PRR16: variants seen among roughly 807,000 people sequenced by gnomAD.
PRR16 encodes the protein proline rich 16.
PRR16 carries 6 observed loss-of-function variants against 18.2 expected under a neutral mutation model. The observed-to-expected ratio is 0.33, with a 90% CI of 0.18 to 0.65. The LOEUF is 0.65. PRR16 is among the 30% of genes least tolerant of loss of function. The pLI is 0.74. For missense variants in PRR16, 412 were observed against 376.6 expected (o/e 1.09, Z -0.78); for synonymous variants, 151 against 147.8 (o/e 1.02, Z -0.16).
At chr5:120,645,627 A>T (rs1405432271) in intron 1 of PRR16, among the ~76,000 whole-genome samples, 1 of 151,960 alleles carries the variant, frequency 6.6e-6, no homozygotes, top group Non-Finnish European at 1.5e-5. Flanking sequence ...ACAAAAAAAG[A>T]AAATGTTTGA....
the PRR16 span, among the ~76,000 whole-genome samples, chr5:120,714,395 G>C: frequency 3.9e-5 from 6 of 152,046 alleles, no homozygotes; most frequent in Admixed American, 3.3e-4. Flanking sequence ...TGACAACTCT[G>C]TTTAAATTTT....
chr5:120,573,511 G>C (rs1011486714), intron 1 of PRR16, among the ~76,000 whole-genome samples: 4 of 151,336 alleles, frequency 2.6e-5, no homozygotes, highest in Non-Finnish European at 4.4e-5. Flanking sequence ...TTGTGGCAAT[G>C]CTGCAGCTCT....
At chr5:120,538,409 T>C (rs1278510473) in intron 1 of PRR16, among the ~76,000 whole-genome samples, 2 of 152,224 alleles carry the variant, frequency 1.3e-5, no homozygotes, top group African/African-American at 4.8e-5. Flanking sequence ...GTAATTTGTC[T>C]GTAGGAACAA....
At chr5:120,526,312 G>C (rs1424849291) in intron 1 of PRR16, among the ~76,000 whole-genome samples, 1 of 152,086 alleles carries the variant, frequency 6.6e-6, no homozygotes, top group African/African-American at 2.4e-5. Context: ...GGGCATCTTA[G>C]CCTCTTGTTG....
intron 1 of PRR16, among the ~76,000 whole-genome samples, chr5:120,672,353 A>G (rs2011223): frequency 0.31 from 47,195 of 150,810 alleles, 7,814 homozygotes; most frequent in Middle Eastern, 0.44. Flanking sequence ...CAGGAACTTA[A>G]CATCTTCTAA....
At chr5:120,539,009 C>T (rs1403092040) in intron 1 of PRR16, among the ~76,000 whole-genome samples, 3 of 152,052 alleles carry the variant, frequency 2.0e-5, no homozygotes, top group South Asian at 2.1e-4. Context: ...TAGGAGCAGA[C>T]GAGACCACTC....
chr5:120,612,379 A>G (rs567664295), intron 1 of PRR16, among the ~76,000 whole-genome samples: 66 of 152,234 alleles, frequency 4.3e-4, no homozygotes, highest in African/African-American at 1.6e-3. Flanking sequence ...GTGGAATGAT[A>G]TGGTTTAGCT....
intron 1 of PRR16, among the ~76,000 whole-genome samples, chr5:120,601,422 G>C (rs1181904320): frequency 6.6e-6 from 1 of 151,390 alleles, no homozygotes; most frequent in African/African-American, 2.4e-5. Context: ...AATGGTGTTT[G>C]TTTTGCTTAA....
At chr5:120,774,257 A>G in the PRR16 span, among the ~76,000 whole-genome samples, 2 of 152,196 alleles carry the variant, frequency 1.3e-5, no homozygotes, top group African/African-American at 4.8e-5. Flanking sequence ...TTTCACTTAT[A>G]TAACAGAATA....
At chr5:120,707,576 C>T in the PRR16 span, among the ~76,000 whole-genome samples, 2 of 152,100 alleles carry the variant, frequency 1.3e-5, no homozygotes, top group African/African-American at 4.8e-5. Context: ...ATATAATCTG[C>T]CTGACTGTTA....
the PRR16 span, among the ~76,000 whole-genome samples, chr5:120,715,316 C>T: frequency 2.0e-5 from 3 of 152,152 alleles, no homozygotes; most frequent in Non-Finnish European, 4.4e-5. Flanking sequence ...GCACAAAGCA[C>T]TGTGGAAAAG....
rs543901025 is a variant in PRR16, at chr5:120,501,639, A to G, written c.159+36994A>G. ...CATAGAAATGAGTGGAACTATCCAA[A>G]TTGAAAAATGAACACATAATGTAGT... is the stretch of plus-strand genomic sequence containing the variant. On this transcript the variant is annotated intron_variant, in intron 1 of 1. Coordinates refer to ENST00000407149, the MANE Select transcript of PRR16 (RefSeq NM_001300783.2). Among the ~76,000 whole-genome samples, 5 of 152,264 alleles carry G rather than the reference A, an allele frequency of 3.3e-5. No homozygotes were observed. The South Asian group carries it at 1.0e-3, about 32-fold the overall frequency.
At chr5:120,637,959 A>G (rs1185358565) in intron 1 of PRR16, among the ~76,000 whole-genome samples, 1 of 152,164 alleles carries the variant, frequency 6.6e-6, no homozygotes, top group Non-Finnish European at 1.5e-5. Context: ...GAAATGCTTG[A>G]GACTAGAAAT....
intron 1 of PRR16, among the ~76,000 whole-genome samples, chr5:120,544,125 G>T (rs904192391): frequency 6.6e-6 from 1 of 152,144 alleles, no homozygotes; most frequent in African/African-American, 2.4e-5. Context: ...GAAGTTGTCT[G>T]CTAGGTACAG....
chr5:120,579,663 C>T (rs1384390732), intron 1 of PRR16, among the ~76,000 whole-genome samples: 2 of 152,166 alleles, frequency 1.3e-5, no homozygotes, highest in African/African-American at 4.8e-5. Flanking sequence ...AGTTTAAAGT[C>T]AGGTAGCATG....
chr5:120,497,981 ACTCT>A (rs1332865702), intron 1 of PRR16, among the ~76,000 whole-genome samples: 2 of 150,996 alleles, frequency 1.3e-5, no homozygotes, highest in African/African-American at 2.4e-5. Flanking sequence ...CATTTTACTA[ACTCT>A]CTCTTTTAAT....
At chr5:120,613,181 C>A (rs1351120377) in intron 1 of PRR16, among the ~76,000 whole-genome samples, 1 of 152,048 alleles carries the variant, frequency 6.6e-6, no homozygotes, top group Non-Finnish European at 1.5e-5. Context: ...GGAAACCTAG[C>A]AATTAAGCGT....
intron 1 of PRR16, among the ~76,000 whole-genome samples, chr5:120,524,216 A>T (rs575607178): frequency 6.6e-6 from 1 of 152,186 alleles, no homozygotes; most frequent in Non-Finnish European, 1.5e-5. Flanking sequence ...TGCAGGATAT[A>T]GTTTTTAATA....
chr5:120,512,210 A>C (rs544920900), intron 1 of PRR16, among the ~76,000 whole-genome samples: 22 of 152,162 alleles, frequency 1.4e-4, no homozygotes, highest in Non-Finnish European at 2.6e-4. Context: ...AGCATTCAAG[A>C]GACACATCTC....
Sources: gnomAD v4.1 joint callset for allele counts (sites outside exome capture counted in the v4.1 genomes callset) on GRCh38, gnomAD v4.1.1 for gene constraint, MANE v1.5 for transcripts, NCBI Gene and HGNC (gene_info 2026-07-23, HGNC 2026-07-21) for gene names.